The following ZFYVE28 variants were observed in gnomAD, a reference collection of about 807,000 sequenced individuals.
ZFYVE28 encodes the protein zinc finger FYVE-type containing 28.
ZFYVE28 carries 40 observed loss-of-function variants against 82.1 expected under a neutral mutation model. The ratio of observed to expected loss-of-function variants is 0.49; its 90% CI spans 0.38 to 0.63. ZFYVE28 has a LOEUF of 0.63. ZFYVE28 is among the 30% of genes least tolerant of loss of function. The probability of loss-of-function intolerance (pLI) is 0.00; values close to 1 mark genes in which losing one functional copy is unlikely to be tolerated. For missense variants in ZFYVE28, 1,321 were observed against 1,242.1 expected, an observed-to-expected ratio of 1.06 and a Z score of -0.96; for synonymous variants, 612 against 546.1, an observed-to-expected ratio of 1.12 and a Z score of -1.68.
chr4:2,309,667 A>C (rs1717201643), intron 7 of ZFYVE28, among the ~76,000 whole-genome samples: 2 of 152,190 alleles, frequency 1.3e-5, no homozygotes, highest in East Asian at 3.8e-4. Flanking sequence ...CTGGGCCAGA[A>C]AACAATGTTA....
chr4:2,403,184 C>T (rs1462925528), intron 1 of ZFYVE28, among the ~76,000 whole-genome samples: 1 of 152,248 alleles, frequency 6.6e-6, no homozygotes, highest in Non-Finnish European at 1.5e-5. Context: ...TGCCCTGAGC[C>T]CCAGCTCCTC....
Position 2,310,335 on chromosome 4 carries a change from A to AC in ZFYVE28, c.804-4800_804-4799insG, listed in dbSNP as rs570656411. ...ATTACAAGTGTGAGCCACTGTGCCC[A>AC]GATATATTTCTCTTGGTCATGATAT... On this transcript the variant is annotated intron_variant, in intron 7 of 12. Coordinates refer to ENST00000290974, the MANE Select transcript of ZFYVE28 (RefSeq NM_020972.3). Among the ~76,000 whole-genome samples, 32 of 152,240 alleles carry AC rather than the reference A, an allele frequency of 2.1e-4. No homozygotes were observed. The South Asian group carries it at 6.6e-3, about 32-fold the overall frequency.
intron 7 of ZFYVE28, among the ~76,000 whole-genome samples, chr4:2,308,629 G>GAAAGAAAGAAAGAAAGAAAT (rs1560181985): frequency 1.2e-5 from 1 of 84,806 alleles, no homozygotes; most frequent in Non-Finnish European, 2.5e-5. Context: ...AAAGAAGACA[G>GAAAGAAAGAAAGAAAGAAAT]AAAGAAAGAA....
In ZFYVE28 at chr4:2,323,123, C is replaced by T. The variant is rs372839811; in HGVS notation, c.702-2852G>A. 2.2e-4 allele frequency among the ~76,000 whole-genome samples: 33 copies of T among 152,308 alleles called. No individual in the cohort carries two copies. The East Asian group carries it at 2.9e-3, about 13-fold the overall frequency. The stretch of plus-strand genomic sequence containing the variant: ...ATTCTATGTTTAACTTTTTAAGGAA[C>T]CACCAACTGTTTTCCGTAGCAGCTG... On this transcript the variant is annotated intron_variant, in intron 6 of 12. Coordinates refer to ENST00000290974, the MANE Select transcript of ZFYVE28 (RefSeq NM_020972.3).
chr4:2,274,937 C>T (rs1456880857), intron 8 of ZFYVE28, among the ~76,000 whole-genome samples: 4 of 137,044 alleles, frequency 2.9e-5, no homozygotes, highest in South Asian at 2.1e-4. Context: ...GTTTGCACTT[C>T]GGGCCTCCGA....
At chr4:2,314,452 G>T (rs766200000) in intron 7 of ZFYVE28, among the ~76,000 whole-genome samples, 5 of 151,784 alleles carry the variant, frequency 3.3e-5, no homozygotes, top group Non-Finnish European at 7.4e-5. Context: ...TTTTCTATTT[G>T]GTCCATTTGT....
At chr4:2,370,523 C>G (rs1465577606) in intron 1 of ZFYVE28, among the ~76,000 whole-genome samples, 1 of 152,150 alleles carries the variant, frequency 6.6e-6, no homozygotes, top group African/African-American at 2.4e-5. Flanking sequence ...AGATCTCTTT[C>G]GACAAATCTT....
At position 2,418,143 on chromosome 4, in the gene ZFYVE28, G is replaced by A. The variant is rs921800135; in HGVS notation, c.39+142C>T. The A allele has an allele frequency of 1.7e-4, 110 of 663,998 alleles. No homozygotes were observed. In the African/African-American group the frequency reaches 1.7e-3, roughly 10 times the overall value. 41.1% of individuals were successfully genotyped at this position (663,998 alleles called of 1,614,324 possible). ...GATGAAGATCTGTCCAAGTCTTGGA[G>A]TGGAGGGAAGGATGTCGGCGGTGGG... On this transcript the variant is annotated intron_variant, in intron 1 of 12. Transcript: ENST00000290974. This position sits in a 1 kb window ranked among gnomAD's most constrained non-coding sequence, Gnocchi z 4.6.
intron 6 of ZFYVE28, among the ~76,000 whole-genome samples, chr4:2,328,333 T>A (rs6852048): frequency 0.19 from 28,911 of 152,184 alleles, 3,100 homozygotes; most frequent in African/African-American, 0.27. Context: ...TCTCACTTAC[T>A]TGTGGAATCT....
intron 1 of ZFYVE28, among the ~76,000 whole-genome samples, chr4:2,363,128 G>A (rs907177215): frequency 1.1e-4 from 16 of 152,036 alleles, no homozygotes; most frequent in Non-Finnish European, 2.9e-5. Flanking sequence ...GTGGGTGGGG[G>A]CTGGACACAG....
rs934652464 is a variant in ZFYVE28, at chr4:2,335,045, G to A, written c.701+660C>T. On this transcript the variant is annotated intron_variant, in intron 6 of 12. Coordinates refer to ENST00000290974, the MANE Select transcript of ZFYVE28 (RefSeq NM_020972.3). This position sits in a 1 kb window ranked among gnomAD's most constrained non-coding sequence, Gnocchi z 5.8. ...TCAGAGACGCTAAGCAGGTGACCCCGCGCATCCTGCCTCGGTGGATTTCAG... is the reference window on the plus strand; with the variant it reads ...TCAGAGACGCTAAGCAGGTGACCCCACGCATCCTGCCTCGGTGGATTTCAG... Among the ~76,000 whole-genome samples, 9 of 150,862 alleles carry A rather than the reference G, an allele frequency of 6.0e-5. No individual in the cohort carries two copies. Among genetic ancestry groups the A allele is most frequent in the South Asian group, 2.1e-4 (1 of 4,688 alleles).
chr4:2,381,312 C>A (rs1247450359), intron 1 of ZFYVE28, among the ~76,000 whole-genome samples: 1 of 152,218 alleles, frequency 6.6e-6, no homozygotes, highest in Non-Finnish European at 1.5e-5. Context: ...AGAAGCAAAG[C>A]ATTCAAGAAG....
chr4:2,326,132 A>G (rs1719821507), intron 6 of ZFYVE28, among the ~76,000 whole-genome samples: 1 of 152,194 alleles, frequency 6.6e-6, no homozygotes, highest in Non-Finnish European at 1.5e-5. Flanking sequence ...GTCACTACCC[A>G]GACTAATGTT....
intron 8 of ZFYVE28, among the ~76,000 whole-genome samples, chr4:2,284,329 C>T (rs1476819705): frequency 2.0e-5 from 3 of 152,200 alleles, no homozygotes; most frequent in Non-Finnish European, 2.9e-5. Flanking sequence ...CCACATGATC[C>T]TCCAACCTCA....
chr4:2,311,366 G>C (rs1183096908), intron 7 of ZFYVE28, among the ~76,000 whole-genome samples: 2 of 151,956 alleles, frequency 1.3e-5, no homozygotes, highest in Non-Finnish European at 2.9e-5. Flanking sequence ...TTTACTAAAA[G>C]TACAAAAAAA....
At chr4:2,273,539 C>T (rs945972227) in intron 9 of ZFYVE28, among the ~76,000 whole-genome samples, 2 of 152,198 alleles carry the variant, frequency 1.3e-5, no homozygotes, top group East Asian at 1.9e-4. Context: ...GTCGGTCTGC[C>T]GCTGACATTC....
rs766528512 is a variant in ZFYVE28 at position 2,274,209 on chromosome 4, T to C, written c.2059A>G (p.Thr687Ala). ...PQALSGSSSS[T>A]AGSCSSDKMG... is the part of the protein sequence containing the mutation. ...TTGTCTGAGGAGCAGGACCCAGCTG[T>C]GGAGCTGCTGCATGGAGAAGGAGAT... Residue 687 changes from threonine (T) to alanine (A), a missense_variant, in exon 9 of 13, where the codon ACA (threonine) becomes GCA (alanine). This residue lies in a region of ZFYVE28 where 978 missense variants were observed against 833.7 expected (regional missense o/e 1.17). Transcript: ENST00000290974. 1.2e-6 allele frequency: 2 copies of C among 1,612,888 alleles called. No homozygotes were observed. Among genetic ancestry groups the C allele is most frequent in the Admixed American group, 3.3e-5 (2 of 59,980 alleles).
At position 2,405,504 on chromosome 4, in the gene ZFYVE28, G is replaced by A. The variant is rs186971333; in HGVS notation, c.39+12781C>T. ...ACAGTTTCCCATCATTCCCTGCAGTGCCCCGCTCCCACTGCAGGCAGCCAC... is the reference window on the plus strand; with the variant it reads ...ACAGTTTCCCATCATTCCCTGCAGTACCCCGCTCCCACTGCAGGCAGCCAC... On this transcript the variant is annotated intron_variant, in intron 1 of 12. Coordinates refer to ENST00000290974, the MANE Select transcript of ZFYVE28 (RefSeq NM_020972.3). 3.7e-4 allele frequency among the ~76,000 whole-genome samples: 57 copies of A among 152,368 alleles called. No individual in the cohort carries two copies. In the South Asian group the frequency reaches 7.5e-3, roughly 20 times the overall value.
In ZFYVE28 at chr4:2,279,559, C is replaced by T. The variant is rs998822721; in HGVS notation, c.2052-5343G>A. Among the ~76,000 whole-genome samples the T allele has an allele frequency of 7.2e-5, 11 of 152,294 alleles. No homozygotes were observed. In the South Asian group the frequency reaches 2.1e-3, roughly 29 times the overall value. On this transcript the variant is annotated intron_variant, in intron 8 of 12. Coordinates refer to ENST00000290974, the MANE Select transcript of ZFYVE28 (RefSeq NM_020972.3). ...CTTTGGGAGGCCAAGGTGGGCGGATCACGAGGTCAGGAGATCGAGACCATC... is the reference window on the plus strand; with the variant it reads ...CTTTGGGAGGCCAAGGTGGGCGGATTACGAGGTCAGGAGATCGAGACCATC...
Sources: allele counts gnomAD v4.1 joint callset (sites outside exome capture counted in the v4.1 genomes callset), GRCh38; gene constraint gnomAD v4.1.1; regional missense constraint gnomAD v4.1.1; non-coding constraint Gnocchi (gnomAD v3.1); transcripts MANE v1.5; gene names NCBI Gene and HGNC (gene_info 2026-07-23, HGNC 2026-07-21).